The following DAB2IP variants were observed in gnomAD, a reference collection of about 807,000 sequenced individuals.
DAB2IP encodes DAB2 interacting protein, also known as disabled homolog 2-interacting protein.
A neutral mutation model predicts 107.2 loss-of-function variants in DAB2IP; 28 were observed. The observed-to-expected ratio is 0.26, with a 90% CI of 0.19 to 0.36. DAB2IP has a LOEUF of 0.36. Among genes scored for constraint, DAB2IP ranks in the 10% least tolerant of loss-of-function variants. The pLI is 1.00. For synonymous variants in DAB2IP, 755 were observed against 706.4 expected, an observed-to-expected ratio of 1.07 and a Z score of -1.09; for missense variants, 1,400 against 1,644.7, an observed-to-expected ratio of 0.85 and a Z score of 2.57.
intron 9 of DAB2IP, among the ~76,000 whole-genome samples, chr9:121,767,827 G>A (rs1834394162): frequency 6.6e-6 from 1 of 152,204 alleles, no homozygotes; most frequent in Non-Finnish European, 1.5e-5. Context: ...AGGAGGCAGT[G>A]GCTGCAAGGG....
chr9:121,580,461 C>G (rs1412588150), intron 1 of DAB2IP, among the ~76,000 whole-genome samples: 1 of 152,086 alleles, frequency 6.6e-6, no homozygotes, highest in Admixed American at 6.5e-5. Flanking sequence ...AGGAGGATCG[C>G]TTGAGATTAG....
Position 121,681,317 on chromosome 9 carries a change from C to G in DAB2IP, c.228+2536C>G, listed in dbSNP as rs117459571. Among the ~76,000 whole-genome samples the G allele has an allele frequency of 8.5e-5, 13 of 152,320 alleles. No individual in the cohort carries two copies. In the East Asian group the frequency reaches 1.7e-3, roughly 20 times the overall value. The stretch of plus-strand genomic sequence containing the variant: ...CGGCTATTTCCCTTTCTGAGTTGCT[C>G]TAATAGGGGTATTATCACACCTTAA... On this transcript the variant is annotated intron_variant, in intron 2 of 15. Transcript: ENST00000408936.
chr9:121,678,213 C>T (rs1410168295), intron 1 of DAB2IP, among the ~76,000 whole-genome samples: 1 of 152,202 alleles, frequency 6.6e-6, no homozygotes, highest in Non-Finnish European at 1.5e-5. Context: ...TACGAATTGG[C>T]CTCTTCTAGA....
intron 3 of DAB2IP, among the ~76,000 whole-genome samples, chr9:121,700,528 G>T (rs1272986084): frequency 1.3e-5 from 2 of 152,212 alleles, no homozygotes; most frequent in African/African-American, 4.8e-5. Flanking sequence ...ACTGGCATCT[G>T]CCTTCGTAGG....
At chr9:121,771,859 T>A (rs1055562610) in intron 11 of DAB2IP, among the ~76,000 whole-genome samples, 4 of 145,362 alleles carry the variant, frequency 2.8e-5, no homozygotes, top group Non-Finnish European at 4.5e-5. Flanking sequence ...CCCAAGTCCT[T>A]GCAGCCTTCA....
chr9:121,604,889 C>A (rs1383758320), intron 1 of DAB2IP, among the ~76,000 whole-genome samples: 3 of 152,222 alleles, frequency 2.0e-5, no homozygotes, highest in Non-Finnish European at 4.4e-5. Flanking sequence ...TGCCTGCACC[C>A]CCCTCCTCAA....
intron 1 of DAB2IP, among the ~76,000 whole-genome samples, chr9:121,674,938 G>A (rs183079489): frequency 6.6e-6 from 1 of 152,156 alleles, no homozygotes; most frequent in Non-Finnish European, 1.5e-5. Flanking sequence ...GGTAGTTCCT[G>A]GAAGCTCCAG....
At position 121,635,087 on chromosome 9, in the gene DAB2IP, G is replaced by A. The variant is rs1300632010; in HGVS notation, c.41-43591G>A. Among the ~76,000 whole-genome samples, 1 of 152,206 alleles carries A rather than the reference G, an allele frequency of 6.6e-6. No individual in the cohort carries two copies. Among genetic ancestry groups the A allele is most frequent in the East Asian group, 1.9e-4 (1 of 5,196 alleles). On this transcript the variant is annotated intron_variant, in intron 1 of 16. Transcript: ENST00000259371. This position sits in a 1 kb window ranked among gnomAD's most constrained non-coding sequence, Gnocchi z 4.3. Reference sequence around the variant, plus strand: ...GTGTATGTCTATGTGCGAAGGGGAAGCTTGGCAGAGGGTGGCTATGGAGTG... The same window carrying A: ...GTGTATGTCTATGTGCGAAGGGGAAACTTGGCAGAGGGTGGCTATGGAGTG...
intron 3 of DAB2IP, among the ~76,000 whole-genome samples, chr9:121,742,470 G>GC (rs1262171319): frequency 1.3e-5 from 2 of 152,224 alleles, no homozygotes; most frequent in Non-Finnish European, 1.5e-5. Context: ...TGTGGGCCCA[G>GC]CCACTCCAGG....
chr9:121,763,999 C>G, intron 8 of DAB2IP, 120 bp downstream of exon 8: 2 of 1,378,292 alleles, frequency 1.5e-6, no homozygotes, highest in Non-Finnish European at 2.0e-6. Context: ...TTGCCAGTCC[C>G]CTGGCCTAGT....
At chr9:121,763,763 A>G in exon 8 of DAB2IP, 2 of 1,614,128 alleles carry the variant, frequency 1.2e-6, no homozygotes, top group Non-Finnish European at 1.7e-6. Flanking sequence ...TGTATGAGTC[A>G]GATGAGAACT....
intron 1 of DAB2IP, among the ~76,000 whole-genome samples, chr9:121,640,736 A>C (rs1832256892): frequency 6.6e-6 from 1 of 152,174 alleles, no homozygotes; most frequent in African/African-American, 2.4e-5. Context: ...TGCTGCTGGG[A>C]ACCTGTGGGC....
intron 3 of DAB2IP, among the ~76,000 whole-genome samples, chr9:121,720,000 A>G (rs1830830913): frequency 6.6e-6 from 1 of 152,196 alleles, no homozygotes; most frequent in African/African-American, 2.4e-5. Flanking sequence ...AGGTGCACAT[A>G]GACACCTTCA....
At chr9:121,704,742 C>A (rs1011660447) in intron 3 of DAB2IP, among the ~76,000 whole-genome samples, 3 of 152,192 alleles carry the variant, frequency 2.0e-5, no homozygotes, top group Non-Finnish European at 4.4e-5. Context: ...GGTTTAATTC[C>A]TAATCCTATC....
intron 1 of DAB2IP, among the ~76,000 whole-genome samples, chr9:121,629,021 A>G (rs78867572): frequency 0.022 from 3,369 of 152,230 alleles, 120 homozygotes; most frequent in African/African-American, 0.076. Context: ...AGGTAACCCA[A>G]TCACTTGCGC....
In DAB2IP at chr9:121,736,273, G is replaced by A. The variant is rs924156667; in HGVS notation, c.363-20740G>A. On this transcript the variant is annotated intron_variant, in intron 3 of 15. Coordinates refer to ENST00000408936, the Ensembl canonical transcript of DAB2IP. The surrounding 1 kb of genome is among the most constrained non-coding windows in gnomAD (Gnocchi z 4.6). ...CCGACGAACCCGGGGTGGGGCCAGC[G>A]GGCCAAACTGGAATGCGCCGCGAGA... Among the ~76,000 whole-genome samples, 7 of 152,334 alleles carry A rather than the reference G, an allele frequency of 4.6e-5. No individual in the cohort carries two copies. The highest frequency in any genetic ancestry group is 1.4e-4 in the African/African-American group (6 of 41,582).
At chr9:121,707,400 C>T (rs1830112077) in intron 3 of DAB2IP, among the ~76,000 whole-genome samples, 1 of 152,202 alleles carries the variant, frequency 6.6e-6, no homozygotes, top group African/African-American at 2.4e-5. Flanking sequence ...AGATGCTCTG[C>T]CGAGTGAGTT....
intron 1 of DAB2IP, among the ~76,000 whole-genome samples, chr9:121,595,807 G>T (rs868072682): frequency 6.6e-6 from 1 of 152,016 alleles, no homozygotes. Flanking sequence ...TATTCTGTTC[G>T]GCATGTTTAA....
At chr9:121,578,912 C>T (rs1830127462) in intron 1 of DAB2IP, among the ~76,000 whole-genome samples, 2 of 151,898 alleles carry the variant, frequency 1.3e-5, no homozygotes, top group South Asian at 4.2e-4. Context: ...TCTGCTTCCC[C>T]ACTGGCATTG....
Sources: gnomAD v4.1 joint callset for allele counts (sites outside exome capture counted in the v4.1 genomes callset) on GRCh38, gnomAD v4.1.1 for gene constraint, Gnocchi (gnomAD v3.1) non-coding constraint, MANE v1.5 for transcripts, NCBI Gene and HGNC (gene_info 2026-07-23, HGNC 2026-07-21) for gene names.